Variants in RFPL4A observed in about 807,000 individuals in gnomAD.
RFPL4A encodes the protein ret finger protein-like 4A.
Under a neutral mutation model 8.3 loss-of-function variants are expected in RFPL4A, and 4 were observed. The observed-to-expected ratio is 0.48, with a 90% CI of 0.24 to 1.10. RFPL4A has a LOEUF of 1.10. Ranked by LOEUF, RFPL4A falls within the 50% of genes least tolerant of loss-of-function variation. The pLI, the probability that RFPL4A is intolerant of heterozygous loss-of-function variation, is 0.18. For missense variants in RFPL4A, 111 were observed against 358.7 expected (o/e 0.31, Z 5.58); for synonymous variants, 43 against 136.6 (o/e 0.31, Z 4.78).
chr19:55,757,703 C>G (rs1989198280), upstream of RFPL4A, among the ~76,000 whole-genome samples: 1 of 152,096 alleles, frequency 6.6e-6, no homozygotes, highest in African/African-American at 2.4e-5. Context: ...TGCCAGCAAT[C>G]CTAAGACGCT....
At chr19:55,760,954 T>A (rs1471513479) in intron 1 of RFPL4A, among the ~76,000 whole-genome samples, 1 of 150,422 alleles carries the variant, frequency 6.6e-6, no homozygotes, top group Admixed American at 6.6e-5. Flanking sequence ...ATTCTGCCCA[T>A]TGGAATTTGG....
At chr19:55,760,160 C>T (rs1194624175) in intron 1 of RFPL4A, among the ~76,000 whole-genome samples, 2 of 151,740 alleles carry the variant, frequency 1.3e-5, no homozygotes, top group Non-Finnish European at 2.9e-5. Context: ...TTCCCACCAA[C>T]CGTGCACAAG....
chr19:55,762,292 G>C (rs1473305691), intron 2 of RFPL4A, among the ~76,000 whole-genome samples: 1 of 150,692 alleles, frequency 6.6e-6, no homozygotes, highest in African/African-American at 2.5e-5. Flanking sequence ...GCAAGCTCCT[G>C]TCTTCTTTCT....
At chr19:55,758,515 G>A (rs1989218318), upstream of RFPL4A, among the ~76,000 whole-genome samples, 1 of 151,356 alleles carries the variant, frequency 6.6e-6, no homozygotes, top group African/African-American at 2.4e-5. Context: ...GAAATAGATT[G>A]TAACAGTAAC....
chr19:55,758,340 C>T (rs1214376508), upstream of RFPL4A, among the ~76,000 whole-genome samples: 6 of 152,272 alleles, frequency 3.9e-5, no homozygotes, highest in Admixed American at 1.3e-4. Flanking sequence ...AATTTAATCA[C>T]ATTAATGTAA....
intron 1 of RFPL4A, among the ~76,000 whole-genome samples, chr19:55,759,719 C>G (rs914714458): frequency 6.6e-6 from 1 of 151,378 alleles, no homozygotes; most frequent in African/African-American, 2.4e-5. Flanking sequence ...GACAGGGTCT[C>G]GCTCTGTCTG....
chr19:55,758,880 TA>T (rs1989227085), upstream of RFPL4A: 1 of 150,868 alleles, frequency 6.6e-6, no homozygotes, highest in Non-Finnish European at 1.5e-5. Context: ...ATAGGCATAA[TA>T]TTCAAGATCT....
chr19:55,759,114 C>T lies in RFPL4A; in HGVS notation c.-71C>T, dbSNP rs1332216328. On this transcript the variant is annotated 5_prime_UTR_variant, in exon 1 of 3. Transcript: ENST00000434937. ...AAAAGCCCCTGGCAGGCAGCTCTCA[C>T]TCCAGATCTGAGCTGTCCGCAGAAG... 2 of 148,172 alleles carry T rather than the reference C, an allele frequency of 1.3e-5. No homozygotes were observed. Among genetic ancestry groups the T allele is most frequent in the Admixed American group, 1.3e-4 (2 of 14,834 alleles). The allele number at this position is 148,172 out of a possible 1,614,324, so 9.2% of individuals were successfully genotyped here. A position where few individuals can be genotyped will look rare whatever the true frequency, so the allele number is the denominator to read the frequency against.
chr19:55,762,246 A>G (rs1415342813), intron 2 of RFPL4A, among the ~76,000 whole-genome samples, 160 bp downstream of exon 2: 6 of 150,578 alleles, frequency 4.0e-5, no homozygotes, highest in Non-Finnish European at 8.8e-5. Context: ...AGAGATTTTC[A>G]TGGAATCTGT....
chr19:55,758,726 C>T (rs1278550585), upstream of RFPL4A, among the ~76,000 whole-genome samples: 2 of 151,312 alleles, frequency 1.3e-5, no homozygotes, highest in African/African-American at 4.9e-5. Flanking sequence ...GTTTAAGTCA[C>T]CTCTTTTATT....
chr19:55,759,364 G>C (rs3973373), intron 1 of RFPL4A, among the ~76,000 whole-genome samples, 189 bp downstream of exon 1: 2 of 151,948 alleles, frequency 1.3e-5, no homozygotes, highest in East Asian at 1.9e-4. Flanking sequence ...ATACCAAGGC[G>C]AGAGACTTGA....
intron 1 of RFPL4A, among the ~76,000 whole-genome samples, chr19:55,760,400 T>C (rs1476186246): frequency 3.3e-5 from 5 of 151,568 alleles, no homozygotes; most frequent in Non-Finnish European, 4.4e-5. Context: ...GAAGTTTTTA[T>C]TCCAGAGCAA....
At position 55,762,100 on chromosome 19, in the gene RFPL4A, A is replaced by G. The variant is rs766483880; in HGVS notation, c.286+14A>G. On this transcript the variant is annotated intron_variant, in intron 2 of 2. Coordinates refer to ENST00000434937, the MANE Select transcript of RFPL4A (RefSeq NM_001145014.2). Reference sequence around the variant, plus strand: ...GGAAGTTTCAAGGTAAGGAATCTATAGGACCTGCCACAACCCATAAAAGGC... The same window carrying G: ...GGAAGTTTCAAGGTAAGGAATCTATGGGACCTGCCACAACCCATAAAAGGC... The G allele has an allele frequency of 4.6e-6, 7 of 1,514,340 alleles. No homozygotes were observed. Among genetic ancestry groups the G allele is most frequent in the South Asian group, 3.7e-5 (3 of 81,830 alleles). The allele number at this position is 1,514,340 out of a possible 1,614,324, so 93.8% of individuals were successfully genotyped here.
At chr19:55,759,568 TG>T (rs1989241042) in intron 1 of RFPL4A, among the ~76,000 whole-genome samples, 1 of 152,030 alleles carries the variant, frequency 6.6e-6, no homozygotes, top group African/African-American at 2.4e-5. Context: ...TTCAGTTTTT[TG>T]TTCCTTTTAA....
upstream of RFPL4A, among the ~76,000 whole-genome samples, chr19:55,758,329 T>C (rs1185879941): frequency 6.6e-6 from 1 of 152,302 alleles, no homozygotes; most frequent in Admixed American, 6.5e-5. Flanking sequence ...TAAAGACTAT[T>C]AATTTAATCA....
In RFPL4A at chr19:55,760,714, C is replaced by T. The variant is rs1989264101; in HGVS notation, c.-9-1078C>T. Among the ~76,000 whole-genome samples the T allele has an allele frequency of 1.3e-5, 2 of 151,672 alleles. 1 individual carries two copies. Among genetic ancestry groups the T allele is most frequent in the Middle Eastern group, 6.8e-3 (2 of 294 alleles). On this transcript the variant is annotated intron_variant, in intron 1 of 2. Coordinates refer to ENST00000434937, the MANE Select transcript of RFPL4A (RefSeq NM_001145014.2). ...CTCCGGTTTTTTATCACCTCATGAG[C>T]CCAGGTTCCTCCTTGTCCTTGTAAT... is the stretch of plus-strand genomic sequence containing the variant.
chr19:55,762,268 G>A (rs537335709), intron 2 of RFPL4A, among the ~76,000 whole-genome samples, 182 bp downstream of exon 2: 2 of 150,808 alleles, frequency 1.3e-5, no homozygotes, highest in East Asian at 3.9e-4. Flanking sequence ...CAAGTTTGTA[G>A]AATACTTTGG....
Position 55,760,618 on chromosome 19 carries a change from C to T in RFPL4A, c.-9-1174C>T, listed in dbSNP as rs902286198. Among the ~76,000 whole-genome samples the T allele has an allele frequency of 9.2e-5, 14 of 151,506 alleles. 1 individual carries two copies. Among genetic ancestry groups the T allele is most frequent in the African/African-American group, 3.4e-4 (14 of 41,130 alleles). On this transcript the variant is annotated intron_variant, in intron 1 of 2. Transcript: ENST00000434937. Reference sequence around the variant, plus strand: ...CATGCTGGGGTCAGCCGTGACACTGCAGAATGTGTGATTTAGTGTGATAAT... The same window carrying T: ...CATGCTGGGGTCAGCCGTGACACTGTAGAATGTGTGATTTAGTGTGATAAT...
At chr19:55,762,500 A>C (rs1989306423) in intron 2 of RFPL4A, 98 bp from the exon 3 acceptor site, 2 of 1,459,680 alleles carry the variant, frequency 1.4e-6, no homozygotes. Flanking sequence ...AGTAGAATAA[A>C]AGTAAAAGTG....
Sources: allele counts gnomAD v4.1 joint callset (sites outside exome capture counted in the v4.1 genomes callset), GRCh38; gene constraint gnomAD v4.1.1; transcripts MANE v1.5; gene names NCBI Gene and HGNC (gene_info 2026-07-23, HGNC 2026-07-21).